COL27A1: variants seen among roughly 807,000 people sequenced by gnomAD.
The protein encoded by COL27A1 is collagen alpha-1(XXVII) chain.
A neutral mutation model predicts 251.3 loss-of-function variants in COL27A1; 106 were observed. The ratio of observed to expected loss-of-function variants is 0.42; its 90% CI spans 0.36 to 0.50. The LOEUF is 0.50. Among genes scored for constraint, COL27A1 ranks in the 20% least tolerant of loss-of-function variants. The pLI is 0.00. For synonymous variants in COL27A1, 1,000 were observed against 986.3 expected, an observed-to-expected ratio of 1.01 and a Z score of -0.26; for missense variants, 2,325 against 2,522.8, an observed-to-expected ratio of 0.92 and a Z score of 1.68.
chr9:114,219,746 G>C (rs1830949243), intron 12 of COL27A1, 45 bp from the exon 13 acceptor site: 1 of 1,417,314 alleles, frequency 7.1e-7, no homozygotes, highest in African/African-American at 1.4e-5. Flanking sequence ...CCCTGAAGGT[G>C]ACAACACTAA....
At chr9:114,214,036 G>A (rs777113885) in intron 12 of COL27A1, among the ~76,000 whole-genome samples, 4 of 152,154 alleles carry the variant, frequency 2.6e-5, no homozygotes, top group South Asian at 2.1e-4. Context: ...GCAAATCGGC[G>A]AGATCTGCAT....
chr9:114,261,592 C>T (rs1278977746), intron 28 of COL27A1, among the ~76,000 whole-genome samples: 1 of 152,210 alleles, frequency 6.6e-6, no homozygotes, highest in Non-Finnish European at 1.5e-5. Context: ...CTCTGGTGCT[C>T]TGCTGGGATA....
intron 16 of COL27A1, among the ~76,000 whole-genome samples, chr9:114,234,888 G>A (rs868325641): frequency 1.4e-5 from 2 of 145,366 alleles, no homozygotes; most frequent in Non-Finnish European, 3.0e-5. Flanking sequence ...GCAACATGGC[G>A]AAACCCCATC....
At chr9:114,288,614 G>T in intron 42 of COL27A1, 88 bp from the exon 43 acceptor site, 1 of 1,552,064 alleles carries the variant, frequency 6.4e-7, no homozygotes, top group Non-Finnish European at 8.8e-7. Flanking sequence ...GTCCCTGAGA[G>T]CTCCGCAGAG....
chr9:114,309,200 C>T lies in COL27A1; in HGVS notation c.5218-60C>T. The stretch of plus-strand genomic sequence containing the variant: ...TTCCCTCCATAGAGAGGCAGGGAAC[C>T]CTCGGTGTGGGGGGTGTGGGGGGCA... On this transcript the variant is annotated intron_variant, in intron 59 of 60. Coordinates refer to ENST00000356083, the MANE Select transcript of COL27A1 (RefSeq NM_032888.4). The T allele has an allele frequency of 2.8e-6, 4 of 1,413,448 alleles. No individual in the cohort carries two copies. In the South Asian group the frequency reaches 4.6e-5, roughly 16 times the overall value. The allele number at this position is 1,413,448 out of a possible 1,614,324, so 87.6% of individuals were successfully genotyped here.
intron 50 of COL27A1, 112 bp from the exon 51 acceptor site, chr9:114,300,513 C>T: frequency 1.3e-6 from 1 of 774,348 alleles, no homozygotes; most frequent in East Asian, 2.9e-5. Flanking sequence ...TCAGGTAAGG[C>T]CTCTCTTGAC....
At chr9:114,173,372 G>A (rs1180911420) in intron 3 of COL27A1, among the ~76,000 whole-genome samples, 1 of 152,230 alleles carries the variant, frequency 6.6e-6, no homozygotes, top group Non-Finnish European at 1.5e-5. Context: ...AAAAGAATTT[G>A]ATCCTTACGA....
chr9:114,229,962 T>C lies in COL27A1; in HGVS notation c.2467-1117T>C, dbSNP rs533736852. Among the ~76,000 whole-genome samples, 8 of 152,302 alleles carry C rather than the reference T, an allele frequency of 5.3e-5. No individual in the cohort carries two copies. In the South Asian group the frequency reaches 1.7e-3, roughly 32 times the overall value. On this transcript the variant is annotated intron_variant, in intron 14 of 60. Coordinates refer to ENST00000356083, the MANE Select transcript of COL27A1 (RefSeq NM_032888.4). The stretch of plus-strand genomic sequence containing the variant: ...CTGGCCTCTGCCTACCAGACGCCAA[T>C]AGCACCTCTTAAGTTGTGACAACTA...
chr9:114,211,622 C>A (rs948930770), intron 12 of COL27A1, among the ~76,000 whole-genome samples: 4 of 152,162 alleles, frequency 2.6e-5, no homozygotes, highest in Non-Finnish European at 5.9e-5. Flanking sequence ...GAGAAAGAGC[C>A]AAGGCACGGA....
rs1434265013 is a variant in COL27A1 at position 114,206,284 on chromosome 9, C to T, written c.2256C>T (p.Pro752=). The T allele has an allele frequency of 6.2e-7, 1 of 1,614,138 alleles. No individual in the cohort carries two copies. The highest frequency in any genetic ancestry group is 8.5e-7 in the Non-Finnish European group (1 of 1,179,996). ...GLPGPVGDPG[P]KGSRGYIGLP... is the part of the protein sequence containing the mutation. ...CTGGACCGGTAGGAGATCCCGGCCCCAAAGGCAGCAGGGTAAGTGGTTCCT... is the reference window on the plus strand; with the variant it reads ...CTGGACCGGTAGGAGATCCCGGCCCTAAAGGCAGCAGGGTAAGTGGTTCCT... The change falls in exon 10 of 61, where the codon CCC becomes CCT. Residue 752 remains proline, a synonymous_variant. Transcript: ENST00000356083.
At chr9:114,307,820 C>T in intron 59 of COL27A1, 42 bp downstream of exon 59, 1 of 1,461,182 alleles carries the variant, frequency 6.8e-7, no homozygotes, top group Non-Finnish European at 9.6e-7. Context: ...CTGTCTGCCT[C>T]TATCCCCAGC....
intron 23 of COL27A1, among the ~76,000 whole-genome samples, chr9:114,243,911 T>A (rs1330960437): frequency 6.7e-6 from 1 of 148,884 alleles, no homozygotes; most frequent in Non-Finnish European, 1.5e-5. Context: ...GCACCGTTTC[T>A]GTTTTTTTCT....
chr9:114,261,869 T>C (rs1287199427), intron 28 of COL27A1, among the ~76,000 whole-genome samples: 2 of 152,218 alleles, frequency 1.3e-5, no homozygotes, highest in Non-Finnish European at 2.9e-5. Flanking sequence ...TCTGTCCCTG[T>C]GAAAGGAGGA....
At chr9:114,287,019 C>CTAGA (rs926229052) in intron 41 of COL27A1, among the ~76,000 whole-genome samples, 2 of 152,214 alleles carry the variant, frequency 1.3e-5, no homozygotes, top group African/African-American at 4.8e-5. Context: ...GTCCAGCTGC[C>CTAGA]TCTATCCACA....
chr9:114,168,792 C>T lies in COL27A1; in HGVS notation c.1237C>T (p.Pro413Ser). The T allele has an allele frequency of 1.2e-5, 20 of 1,614,060 alleles. No homozygotes were observed. The highest frequency in any genetic ancestry group is 1.7e-5 in the Non-Finnish European group (20 of 1,180,036). ...GAAGCAAGTGCCACCTACTTCCCGT[C>T]CAGTTCCTGCCAGAGTCTCCCGTCC... ...TQKQVPPTSR[P>S]VPARVSRPAE... is the part of the protein sequence containing the mutation. Residue 413 changes from proline (P) to serine (S), a missense_variant, in exon 3 of 61, where the codon CCA becomes TCA. By Grantham distance (74) the Pro-to-Ser change is moderately conservative. Around this residue, in one of 4 missense-constraint regions of COL27A1, gnomAD observed 1,183 missense variants for 1,144.1 expected, o/e 1.03. Transcript: ENST00000356083.
intron 49 of COL27A1, among the ~76,000 whole-genome samples, chr9:114,297,782 G>C (rs4979364): frequency 0.013 from 1,903 of 152,220 alleles, 80 homozygotes; most frequent in Admixed American, 0.093. Context: ...GATGTCCACT[G>C]TTACCACTTC....
intron 1 of COL27A1, among the ~76,000 whole-genome samples, chr9:114,158,505 C>A (rs1013021393): frequency 1.3e-5 from 2 of 152,198 alleles, no homozygotes; most frequent in Non-Finnish European, 2.9e-5. Context: ...CCTCGCGGCT[C>A]CCGTTTCGGC....
chr9:114,170,466 C>G (rs1849234471), intron 3 of COL27A1, among the ~76,000 whole-genome samples: 1 of 152,196 alleles, frequency 6.6e-6, no homozygotes. Flanking sequence ...CTCTCTCTCT[C>G]CTTCCTGAAG....
rs2135144638 is a variant in COL27A1 at position 114,178,219 on chromosome 9, G to A, written c.1909-72G>A. 2.3e-6 allele frequency: 3 copies of A among 1,316,894 alleles called. No individual in the cohort carries two copies. In the South Asian group the frequency reaches 3.6e-5, roughly 16 times the overall value. The allele number at this position is 1,316,894 out of a possible 1,614,324, so 81.6% of individuals were successfully genotyped here. On this transcript the variant is annotated intron_variant, in intron 3 of 60. Coordinates refer to ENST00000356083, the MANE Select transcript of COL27A1 (RefSeq NM_032888.4). Reference sequence around the variant, plus strand: ...GCCCACAGCTGCAGGCGGGATTGTTGAATGACTGCTTGAGCCCATTCTCTG... The same window carrying A: ...GCCCACAGCTGCAGGCGGGATTGTTAAATGACTGCTTGAGCCCATTCTCTG...
Sources: gnomAD v4.1 joint callset for allele counts (sites outside exome capture counted in the v4.1 genomes callset) on GRCh38, gnomAD v4.1.1 for gene constraint, gnomAD v4.1.1 regional missense constraint, MANE v1.5 for transcripts, NCBI Gene and HGNC (gene_info 2026-07-23, HGNC 2026-07-21) for gene names.